The following CRACR2A variants were observed in gnomAD, a reference collection of about 807,000 sequenced individuals.
CRACR2A encodes EF-hand calcium-binding domain-containing protein 4B.
Under a neutral mutation model 90.5 loss-of-function variants are expected in CRACR2A, and 79 were observed. The ratio of observed to expected loss-of-function variants is 0.87; its 90% CI spans 0.73 to 1.05. The LOEUF (loss-of-function observed/expected upper bound fraction) is 1.05, where lower values mean the gene tolerates loss of function less well. CRACR2A is among the 50% of genes least tolerant of loss of function. The pLI is 0.00. For missense variants in CRACR2A, 823 were observed against 897.2 expected (o/e 0.92, Z 1.06); for synonymous variants, 338 against 356.7 (o/e 0.95, Z 0.59).
chr12:3,627,639 C>T lies in CRACR2A; in HGVS notation c.1803G>A (p.Thr601=), dbSNP rs1475469807. ...NSQVALQLWD[T]AGQERYRCIT... is the part of the protein sequence containing the mutation. The stretch of plus-strand genomic sequence containing the variant: ...CAGCTCCTCACCTCTCCTGCCCAGC[C>T]GTGTCCCACAGCTGCAGGGCCACCT... Residue 601 remains threonine (T), a synonymous_variant, in exon 16 of 20, where the codon ACG becomes ACA. Coordinates refer to ENST00000440314, the MANE Select transcript of CRACR2A (RefSeq NM_001144958.2). 9 of 1,551,796 alleles carry T rather than the reference C, an allele frequency of 5.8e-6. No homozygotes were observed. The highest frequency in any genetic ancestry group is 1.2e-5 in the South Asian group (1 of 84,070).
chr12:3,705,117 T>C (rs1288605417), intron 3 of CRACR2A, among the ~76,000 whole-genome samples: 1 of 151,988 alleles, frequency 6.6e-6, no homozygotes, highest in Non-Finnish European at 1.5e-5. Context: ...AGCACATCCA[T>C]AAAGGAGGAA....
At chr12:3,694,873 G>A (rs551385931) in intron 4 of CRACR2A, among the ~76,000 whole-genome samples, 40 of 152,312 alleles carry the variant, frequency 2.6e-4, no homozygotes, top group African/African-American at 9.6e-4. Flanking sequence ...TAAATGCTGT[G>A]GATGCCAAGT....
At chr12:3,696,132 C>T (rs936346119) in intron 4 of CRACR2A, among the ~76,000 whole-genome samples, 1 of 152,190 alleles carries the variant, frequency 6.6e-6, no homozygotes, top group African/African-American at 2.4e-5. Flanking sequence ...TCACATATTG[C>T]CTATGGATGC....
At chr12:3,704,359 T>C (rs1191211619) in intron 3 of CRACR2A, among the ~76,000 whole-genome samples, 1 of 152,048 alleles carries the variant, frequency 6.6e-6, no homozygotes, top group Non-Finnish European at 1.5e-5. Flanking sequence ...AGAAAAGAAG[T>C]GACAGTAGGC....
chr12:3,718,831 T>A (rs1255115973), intron 2 of CRACR2A, among the ~76,000 whole-genome samples: 2 of 152,202 alleles, frequency 1.3e-5, no homozygotes, highest in Non-Finnish European at 2.9e-5. Context: ...GCTGTATCCC[T>A]GGCATCCAGA....
At chr12:3,638,953 T>C (rs551126213) in intron 13 of CRACR2A, among the ~76,000 whole-genome samples, 1 of 152,326 alleles carries the variant, frequency 6.6e-6, no homozygotes, top group South Asian at 2.1e-4. Flanking sequence ...TGTGTGTCCT[T>C]AGGTAGGACA....
intron 3 of CRACR2A, among the ~76,000 whole-genome samples, chr12:3,702,529 T>C (rs892741814): frequency 6.6e-6 from 1 of 152,018 alleles, no homozygotes; most frequent in Non-Finnish European, 1.5e-5. Flanking sequence ...AAAATTGAAA[T>C]AAAAATATCA....
At chr12:3,658,293 T>C (rs1944954685) in intron 8 of CRACR2A, among the ~76,000 whole-genome samples, 1 of 151,728 alleles carries the variant, frequency 6.6e-6, no homozygotes, top group African/African-American at 2.4e-5. Context: ...CCTATAGTCA[T>C]GGCCCAGGCA....
At chr12:3,703,744 A>G (rs1945871308) in intron 3 of CRACR2A, among the ~76,000 whole-genome samples, 1 of 152,228 alleles carries the variant, frequency 6.6e-6, no homozygotes, top group Admixed American at 6.5e-5. Context: ...CAAACAACCC[A>G]CTTTTTAAAA....
intron 13 of CRACR2A, among the ~76,000 whole-genome samples, chr12:3,639,716 T>C (rs1018642705): frequency 6.6e-6 from 1 of 152,196 alleles, no homozygotes; most frequent in African/African-American, 2.4e-5. Context: ...TTCTGCAAGA[T>C]AAATTACGAT....
intron 7 of CRACR2A, among the ~76,000 whole-genome samples, chr12:3,663,216 G>A (rs376271467): frequency 1.3e-5 from 2 of 151,884 alleles, no homozygotes; most frequent in Non-Finnish European, 2.9e-5. Flanking sequence ...ACAATTTTGG[G>A]TACCGAACTC....
At chr12:3,650,482 G>T (rs1038330521) in intron 10 of CRACR2A, among the ~76,000 whole-genome samples, 6 of 152,072 alleles carry the variant, frequency 3.9e-5, no homozygotes, top group Non-Finnish European at 2.9e-5. Flanking sequence ...ATTTCAACTT[G>T]AAGTAAAACA....
chr12:3,747,681 C>A (rs1310744165), intron 1 of CRACR2A, among the ~76,000 whole-genome samples: 3 of 152,220 alleles, frequency 2.0e-5, no homozygotes, highest in Non-Finnish European at 4.4e-5. Context: ...CCTCCCACGT[C>A]CCCTGGTGCT....
intron 3 of CRACR2A, among the ~76,000 whole-genome samples, chr12:3,702,507 CA>C (rs71061127): frequency 0.2 from 29,724 of 150,288 alleles, 3,504 homozygotes; most frequent in Middle Eastern, 0.31. Context: ...TCTATACTAA[CA>C]AAAAAAAATT....
At chr12:3,695,583 T>G (rs1179428455) in intron 4 of CRACR2A, among the ~76,000 whole-genome samples, 2 of 152,154 alleles carry the variant, frequency 1.3e-5, no homozygotes, top group Non-Finnish European at 2.9e-5. Context: ...CCTCCACACC[T>G]CGGAGCTCAC....
At chr12:3,651,520 C>T (rs1332193394) in intron 10 of CRACR2A, among the ~76,000 whole-genome samples, 1 of 152,256 alleles carries the variant, frequency 6.6e-6, no homozygotes, top group Admixed American at 6.5e-5. Flanking sequence ...TGCTTCTCAG[C>T]TGACCTTCAT....
chr12:3,636,940 C>T (rs116462504), intron 14 of CRACR2A, among the ~76,000 whole-genome samples: 1 of 152,228 alleles, frequency 6.6e-6, no homozygotes, highest in Non-Finnish European at 1.5e-5. Context: ...GCTGCCGCGG[C>T]GTGCAGGGCG....
At chr12:3,635,352 C>T (rs2137340163) in intron 14 of CRACR2A, among the ~76,000 whole-genome samples, 1 of 152,202 alleles carries the variant, frequency 6.6e-6, no homozygotes, top group South Asian at 2.1e-4. Context: ...TCTCTTCTCA[C>T]CCTCCCTCCC....
At chr12:3,735,245 G>A (rs376561487) in intron 1 of CRACR2A, among the ~76,000 whole-genome samples, 1 of 152,294 alleles carries the variant, frequency 6.6e-6, no homozygotes, top group Non-Finnish European at 1.5e-5. Context: ...TGCGGAGATA[G>A]AGCAAGTGAG....
Sources: allele counts gnomAD v4.1 joint callset (sites outside exome capture counted in the v4.1 genomes callset), GRCh38; gene constraint gnomAD v4.1.1; transcripts MANE v1.5; gene names NCBI Gene and HGNC (gene_info 2026-07-23, HGNC 2026-07-21).